MICOS10: variants seen among roughly 807,000 people sequenced by gnomAD.
MICOS10 encodes the protein MICOS complex subunit MIC10.
In MICOS10, 5 loss-of-function variants were observed where a neutral mutation model predicts 13.4. That is an observed-to-expected ratio of 0.37 (90% CI 0.20 to 0.78). The LOEUF (loss-of-function observed/expected upper bound fraction) is 0.78. MICOS10 is among the 30% of genes least tolerant of loss of function. The probability of loss-of-function intolerance (pLI) is 0.47; values close to 1 mark genes in which losing one functional copy is unlikely to be tolerated. For synonymous variants in MICOS10, 35 were observed against 33.6 expected, an observed-to-expected ratio of 1.04 and a Z score of -0.15; for missense variants, 101 against 94.6, an observed-to-expected ratio of 1.07 and a Z score of -0.28.
intron 1 of MICOS10, among the ~76,000 whole-genome samples, chr1:19,599,493 A>G (rs992093288): frequency 6.6e-6 from 1 of 152,176 alleles, no homozygotes; most frequent in Non-Finnish European, 1.5e-5. Context: ...AGGCAAGGTG[A>G]TGTACGATCT....
In MICOS10 at chr1:19,610,367, CTTTTTTTTTTTTTTT is replaced by C. The variant is rs773668659; in HGVS notation, c.65-11717_65-11703del. 2.7e-3 allele frequency among the ~76,000 whole-genome samples: 32 copies of C among 11,924 alleles called. 1 individual carries two copies. The highest frequency in any genetic ancestry group is 0.012 in the East Asian group (3 of 258). 7.8% of individuals were successfully genotyped at this position (11,924 alleles called of 152,430 possible). A position where few individuals can be genotyped will look rare whatever the true frequency, so the allele number is the denominator to read the frequency against. On this transcript the variant is annotated intron_variant, in intron 1 of 3. Transcript: ENST00000322753. ...AGTCACCCCACCCCCCACCCCCCGGCTTTTTTTTTTTTTTTTTTTTTTTTTTTTTTGGAGACAAGG... is the reference window on the plus strand; with the variant it reads ...AGTCACCCCACCCCCCACCCCCCGGCTTTTTTTTTTTTTTTGGAGACAAGG...
intron 1 of MICOS10, chr1:19,608,342 A>G (rs878872754): frequency 7.7e-7 from 1 of 1,291,186 alleles, no homozygotes; most frequent in South Asian, 1.2e-5. Context: ...TGCTATGTTG[A>G]CCACCCAGGA....
At chr1:19,608,692 C>T (rs535926313) in intron 1 of MICOS10, 1 of 573,508 alleles carries the variant, frequency 1.7e-6, no homozygotes, top group South Asian at 2.2e-5. Context: ...TTGGGGAATA[C>T]AAAAAGCAAG....
chr1:19,619,214 A>G (rs2094895083), intron 1 of MICOS10, among the ~76,000 whole-genome samples: 2 of 152,244 alleles, frequency 1.3e-5, no homozygotes, highest in African/African-American at 2.4e-5. Flanking sequence ...GTACAGGAGC[A>G]TATATGACTA....
At chr1:19,616,707 G>A (rs888014872) in intron 1 of MICOS10, among the ~76,000 whole-genome samples, 1 of 152,184 alleles carries the variant, frequency 6.6e-6, no homozygotes, top group Admixed American at 6.5e-5. Context: ...ACCTCTCCAT[G>A]AGGTCTATCC....
At chr1:19,601,059 C>A (rs860847) in intron 1 of MICOS10, 152,953 of 1,241,420 alleles carry the variant, frequency 0.12, 14,205 homozygotes, top group African/African-American at 0.48. Context: ...GTTTGCTGTA[C>A]GATGACTATT....
At chr1:19,625,110 C>T (rs1358544317) in intron 3 of MICOS10, among the ~76,000 whole-genome samples, 1 of 152,170 alleles carries the variant, frequency 6.6e-6, no homozygotes, top group African/African-American at 2.4e-5. Context: ...CATTTTCCTC[C>T]ATAAAATGAG....
At chr1:19,624,924 A>G (rs148505320) in intron 3 of MICOS10, among the ~76,000 whole-genome samples, 1 of 152,318 alleles carries the variant, frequency 6.6e-6, no homozygotes, top group East Asian at 1.9e-4. Context: ...TCAGTGAACA[A>G]CTTCACATTC....
intron 2 of MICOS10, among the ~76,000 whole-genome samples, chr1:19,622,385 T>C (rs2094906893): frequency 6.6e-6 from 1 of 152,240 alleles, no homozygotes; most frequent in South Asian, 2.1e-4. Context: ...CCTGTTATCC[T>C]AAATATGATA....
At chr1:19,617,639 A>G (rs1173669498) in intron 1 of MICOS10, among the ~76,000 whole-genome samples, 2 of 152,166 alleles carry the variant, frequency 1.3e-5, no homozygotes, top group South Asian at 2.1e-4. Flanking sequence ...AATTCTCACT[A>G]AACTCAGTTC....
chr1:19,622,073 T>C, intron 1 of MICOS10, 27 bp from the exon 2 acceptor site: 1 of 1,581,646 alleles, frequency 6.3e-7, no homozygotes, highest in Non-Finnish European at 8.7e-7. Context: ...CTATGAGATT[T>C]AGCATGTTTT....
At position 19,615,823 on chromosome 1, in the gene MICOS10, G is replaced by A. The variant is rs189778077; in HGVS notation, c.65-6277G>A. 2.0e-4 allele frequency among the ~76,000 whole-genome samples: 31 copies of A among 151,896 alleles called. No individual in the cohort carries two copies. In the East Asian group the frequency reaches 3.9e-3, roughly 19 times the overall value. On this transcript the variant is annotated intron_variant, in intron 1 of 3. Transcript: ENST00000322753. ...TCCAAGGATAAAGGAAATCTTCCCC[G>A]GTGCCTTTTACTTAATAAATGTTAA... is the stretch of plus-strand genomic sequence containing the variant.
In MICOS10 at chr1:19,597,060, G is replaced by T. The variant is rs780335951; in HGVS notation, c.15G>T (p.Glu5Asp). The T allele has an allele frequency of 1.9e-6, 3 of 1,592,494 alleles. No homozygotes were observed. The highest frequency in any genetic ancestry group is 2.4e-5 in the East Asian group (1 of 42,248). MSESELGRKWDRCLA... is the reference protein window; with the variant it reads MSESDLGRKWDRCLA... ...GGGTGGGGAACATGTCTGAGTCGGA[G>T]CTCGGCAGGAAGTGGGACCGGTGTC... is the stretch of plus-strand genomic sequence containing the variant. The change falls in exon 1 of 4, where the codon GAG becomes GAT. Residue 5 changes from glutamate to aspartate, a missense_variant. Glu to Asp is a conservative substitution (Grantham distance 45). Transcript: ENST00000322753.
chr1:19,626,455 A>G lies in MICOS10; in HGVS notation c.*54A>G, dbSNP rs1018492675. 6.2e-7 allele frequency: 1 copy of G among 1,605,052 alleles called. No homozygotes were observed. ...ACAAGAGAAATCATGTTTATTCCTC[A>G]GGAATACTGAAGTGCCCTGGAGTAA... is the stretch of plus-strand genomic sequence containing the variant. On this transcript the variant is annotated 3_prime_UTR_variant, in exon 4 of 4. Coordinates refer to ENST00000322753, the MANE Select transcript of MICOS10 (RefSeq NM_001032363.4).
chr1:19,622,823 T>C (rs2094908456), intron 2 of MICOS10, among the ~76,000 whole-genome samples: 1 of 152,168 alleles, frequency 6.6e-6, no homozygotes. Context: ...TTAGAATTCA[T>C]GCATCTTACT....
chr1:19,597,189 G>T, intron 1 of MICOS10, 80 bp downstream of exon 1: 1 of 1,466,458 alleles, frequency 6.8e-7, no homozygotes, highest in Non-Finnish European at 9.3e-7. Flanking sequence ...AGGAAGGAAG[G>T]GAAGCCCCAC....
Position 19,622,167 on chromosome 1 carries a change from T to C in MICOS10, c.112+20T>C. 1 of 1,588,668 alleles carries C rather than the reference T, an allele frequency of 6.3e-7. No individual in the cohort carries two copies. Among genetic ancestry groups the C allele is most frequent in the Non-Finnish European group, 8.6e-7 (1 of 1,158,044 alleles). ...TTAAAAGTAAGTGTCACTCTGTCTT[T>C]TCAACATAATGTCATAGTGTATACA... On this transcript the variant is annotated intron_variant, in intron 2 of 3. Coordinates refer to ENST00000322753, the MANE Select transcript of MICOS10 (RefSeq NM_001032363.4).
chr1:19,601,583 AAAAAAAAAGAAAAGAAAAAGG>A (rs2094815151), intron 1 of MICOS10, among the ~76,000 whole-genome samples: 1 of 151,780 alleles, frequency 6.6e-6, no homozygotes, highest in Non-Finnish European at 1.5e-5. Flanking sequence ...TCTCAAAAAA[AAAAAAAAAGAAAAGAAAAAGG>A]AAAAAAAAGA....
chr1:19,622,523 A>G (rs553603646), intron 2 of MICOS10, among the ~76,000 whole-genome samples: 24 of 152,248 alleles, frequency 1.6e-4, no homozygotes, highest in Non-Finnish European at 2.6e-4. Flanking sequence ...AATAGAAACA[A>G]GTAGACCAGA....
Sources: gnomAD v4.1 joint callset for allele counts (sites outside exome capture counted in the v4.1 genomes callset) on GRCh38, gnomAD v4.1.1 for gene constraint, MANE v1.5 for transcripts, NCBI Gene and HGNC (gene_info 2026-07-23, HGNC 2026-07-21) for gene names.